XYLB: variants seen among roughly 807,000 people sequenced by gnomAD.
XYLB encodes xylulokinase, also known as xylulose kinase.
Under a neutral mutation model 78.7 loss-of-function variants are expected in XYLB, and 62 were observed. The ratio of observed to expected loss-of-function variants is 0.79; its 90% CI spans 0.64 to 0.97. The LOEUF (loss-of-function observed/expected upper bound fraction) is 0.97. Among genes scored for constraint, XYLB ranks in the 50% least tolerant of loss-of-function variants. The pLI is 0.00. For missense variants in XYLB, 687 were observed against 676.8 expected (o/e 1.02, Z -0.17); for synonymous variants, 245 against 247.4 (o/e 0.99, Z 0.09).
intron 3 of XYLB, 78 bp from the exon 4 acceptor site, chr3:38,362,858 CT>C (rs1188331320): frequency 2.6e-5 from 33 of 1,267,256 alleles, no homozygotes; most frequent in Non-Finnish European, 3.4e-5. Context: ...ATGGCAGGCA[CT>C]TGCGTTTCAA....
At chr3:38,450,361 A>G in the XYLB span, among the ~76,000 whole-genome samples, 14 of 152,254 alleles carry the variant, frequency 9.2e-5, no homozygotes, top group African/African-American at 1.2e-4. Flanking sequence ...AAGTCTTATT[A>G]CAATGCTATA....
At chr3:38,382,358 G>A (rs867458621) in intron 15 of XYLB, among the ~76,000 whole-genome samples, 1 of 152,106 alleles carries the variant, frequency 6.6e-6, no homozygotes, top group Non-Finnish European at 1.5e-5. Flanking sequence ...GTTGGAAGTC[G>A]GGATAATTAG....
At chr3:38,417,961 G>A (rs1050794918), downstream of XYLB, among the ~76,000 whole-genome samples, 1 of 151,370 alleles carries the variant, frequency 6.6e-6, no homozygotes, top group African/African-American at 2.4e-5. Flanking sequence ...GGAAACCGAG[G>A]TGGGTGGATC....
intron 17 of XYLB, among the ~76,000 whole-genome samples, chr3:38,397,673 C>A (rs1457638132): frequency 1.3e-5 from 2 of 152,130 alleles, no homozygotes; most frequent in Non-Finnish European, 2.9e-5. Context: ...CTGGCAGGAG[C>A]AGCACCTACC....
intron 14 of XYLB, among the ~76,000 whole-genome samples, chr3:38,377,916 G>A (rs1706946292): frequency 6.6e-6 from 1 of 152,154 alleles, no homozygotes; most frequent in South Asian, 2.1e-4. Context: ...CCTCCACAAT[G>A]TGACCTTTCT....
At chr3:38,388,169 G>GTTTTTTTTT (rs71085320) in intron 15 of XYLB, among the ~76,000 whole-genome samples, 53 of 109,258 alleles carry the variant, frequency 4.9e-4, no homozygotes, top group African/African-American at 1.5e-3. Context: ...GTTTTTTTTT[G>GTTTTTTTTT]TTTTTTTTTT....
At chr3:38,383,708 G>A (rs1041440877) in intron 15 of XYLB, among the ~76,000 whole-genome samples, 5 of 152,068 alleles carry the variant, frequency 3.3e-5, no homozygotes, top group East Asian at 3.9e-4. Flanking sequence ...CGGGGGGATC[G>A]CTGGAGCCTG....
the XYLB span, among the ~76,000 whole-genome samples, chr3:38,442,315 A>C: frequency 6.6e-6 from 1 of 152,192 alleles, no homozygotes; most frequent in Admixed American, 6.5e-5. Flanking sequence ...GAGGCTTCTG[A>C]ACTGGTAGCC....
At chr3:38,405,741 C>G (rs13095391) in intron 18 of XYLB, among the ~76,000 whole-genome samples, 1 of 152,080 alleles carries the variant, frequency 6.6e-6, no homozygotes, top group Non-Finnish European at 1.5e-5. Context: ...TATCCCGCAC[C>G]TGGCTCAGAG....
chr3:38,395,473 T>C, intron 15 of XYLB, 32 bp from the exon 16 acceptor site: 1 of 1,611,750 alleles, frequency 6.2e-7, no homozygotes, highest in Non-Finnish European at 8.5e-7. Flanking sequence ...AGAACTGGCA[T>C]AGCTATTTTA....
chr3:38,445,724 C>T, the XYLB span, among the ~76,000 whole-genome samples: 1 of 152,168 alleles, frequency 6.6e-6, no homozygotes, highest in African/African-American at 2.4e-5. Context: ...CTCCCAACTC[C>T]GAAGAGTCAG....
chr3:38,391,412 C>T (rs1034785090), intron 15 of XYLB, among the ~76,000 whole-genome samples: 1 of 152,168 alleles, frequency 6.6e-6, no homozygotes, highest in Admixed American at 6.5e-5. Flanking sequence ...CCTTTAAATA[C>T]ATTGTGGCTT....
At chr3:38,428,123 C>G in the XYLB span, among the ~76,000 whole-genome samples, 1 of 152,180 alleles carries the variant, frequency 6.6e-6, no homozygotes, top group Non-Finnish European at 1.5e-5. Flanking sequence ...AGGGGATTTT[C>G]CAGATAACTT....
downstream of XYLB, among the ~76,000 whole-genome samples, chr3:38,423,112 G>A (rs1030337663): frequency 1.3e-5 from 2 of 152,116 alleles, no homozygotes; most frequent in African/African-American, 4.8e-5. Flanking sequence ...TCGCTCTGCT[G>A]CCCAGGCTGG....
At chr3:38,368,390 T>G in intron 8 of XYLB, 133 bp downstream of exon 8, 1 of 769,704 alleles carries the variant, frequency 1.3e-6, no homozygotes, top group Non-Finnish European at 2.2e-6. Context: ...AGGAAGGAAG[T>G]GTATTCATTA....
At chr3:38,356,241 ACT>A (rs1373246376) in intron 2 of XYLB, 1 of 103,492 alleles carries the variant, frequency 9.7e-6, no homozygotes, top group African/African-American at 3.5e-5. Context: ...ACAGAGCAAG[ACT>A]CTGTCTCAAA....
chr3:38,372,311 CTT>C (rs997623987), intron 9 of XYLB: 78 of 692,132 alleles, frequency 1.1e-4, no homozygotes, highest in Non-Finnish European at 1.3e-4. Flanking sequence ...GTCCTGTTAC[CTT>C]TTTTTTTTTA....
chr3:38,363,052 G>T, intron 4 of XYLB, 35 bp downstream of exon 4: 1 of 1,491,594 alleles, frequency 6.7e-7, no homozygotes, highest in Non-Finnish European at 9.0e-7. Context: ...GCCATGTGAG[G>T]GTGACTGTCC....
chr3:38,372,136 G>T (rs113238372), intron 9 of XYLB, among the ~76,000 whole-genome samples: 1 of 152,084 alleles, frequency 6.6e-6, no homozygotes, highest in Admixed American at 6.5e-5. Context: ...CCCTCTTTTT[G>T]CAGGTAGTGC....
Sources: allele counts gnomAD v4.1 joint callset (sites outside exome capture counted in the v4.1 genomes callset), GRCh38; gene constraint gnomAD v4.1.1; transcripts MANE v1.5; gene names NCBI Gene and HGNC (gene_info 2026-07-23, HGNC 2026-07-21).